The following TDRD9 variants were observed in gnomAD, a reference collection of about 807,000 sequenced individuals.
The protein encoded by TDRD9 is tudor domain containing 9.
TDRD9 carries 124 observed loss-of-function variants against 172.6 expected under a neutral mutation model. The observed-to-expected ratio is 0.72, with a 90% CI of 0.62 to 0.83. The LOEUF (loss-of-function observed/expected upper bound fraction) is 0.83. Ranked by LOEUF, TDRD9 falls within the 40% of genes least tolerant of loss-of-function variation. The pLI, the probability that TDRD9 is intolerant of heterozygous loss-of-function variation, is 0.00. For synonymous variants in TDRD9, 619 were observed against 617.1 expected (o/e 1.00, Z -0.05); for missense variants, 1,479 against 1,714.1 (o/e 0.86, Z 2.42).
rs186658731 is a variant in TDRD9, at chr14:103,996,837, A to G, written c.1378+1030A>G. Among the ~76,000 whole-genome samples the G allele has an allele frequency of 2.6e-5, 4 of 152,318 alleles. No individual in the cohort carries two copies. The South Asian group carries it at 6.2e-4, about 24-fold the overall frequency. ...GGGTAGGGAGTGTCAGGGAAGCACCATTGAGATTGCAGGTGGAGTGATCAG... is the reference window on the plus strand; with the variant it reads ...GGGTAGGGAGTGTCAGGGAAGCACCGTTGAGATTGCAGGTGGAGTGATCAG... On this transcript the variant is annotated intron_variant, in intron 12 of 35. Transcript: ENST00000409874.
intron 7 of TDRD9, among the ~76,000 whole-genome samples, chr14:103,978,848 T>C (rs2033359994): frequency 6.6e-6 from 1 of 152,232 alleles, no homozygotes; most frequent in South Asian, 2.1e-4. Context: ...ATGTGATACA[T>C]ACAATGCATG....
At chr14:103,993,359 G>A (rs1232411499) in intron 9 of TDRD9, among the ~76,000 whole-genome samples, 2 of 152,136 alleles carry the variant, frequency 1.3e-5, no homozygotes, top group African/African-American at 2.4e-5. Context: ...TTTACATTTA[G>A]GGTTACTGTC....
At chr14:103,983,056 C>CTTT (rs397853010) in intron 7 of TDRD9, among the ~76,000 whole-genome samples, 1,002 of 87,636 alleles carry the variant, frequency 0.011, 62 homozygotes, top group African/African-American at 0.041. Flanking sequence ...CTGTGGGTCA[C>CTTT]TTTTTTTTTT....
chr14:104,045,144 G>GAA (rs143411044), intron 34 of TDRD9, among the ~76,000 whole-genome samples: 2 of 140,554 alleles, frequency 1.4e-5, no homozygotes, highest in East Asian at 2.1e-4. Flanking sequence ...ACTCTATCAG[G>GAA]AAAAAAAAAA....
intron 1 of TDRD9, among the ~76,000 whole-genome samples, chr14:103,935,530 T>G (rs2030700837): frequency 6.6e-6 from 1 of 152,166 alleles, no homozygotes; most frequent in Non-Finnish European, 1.5e-5. Context: ...CACTTTAAAA[T>G]GCCTGTTAGA....
At chr14:103,990,903 A>G (rs1040746554) in intron 8 of TDRD9, among the ~76,000 whole-genome samples, 6 of 152,190 alleles carry the variant, frequency 3.9e-5, no homozygotes, top group Admixed American at 3.3e-4. Context: ...AATTTCAAGG[A>G]AAACTTCTGC....
At chr14:104,005,576 C>T (rs1160738663) in intron 15 of TDRD9, among the ~76,000 whole-genome samples, 171 bp downstream of exon 15, 2 of 151,374 alleles carry the variant, frequency 1.3e-5, no homozygotes, top group Admixed American at 1.3e-4. Flanking sequence ...TCCTGCCTCA[C>T]TTTCCCGCTA....
At chr14:104,028,550 G>T in intron 28 of TDRD9, among the ~76,000 whole-genome samples, 1 of 151,758 alleles carries the variant, frequency 6.6e-6, no homozygotes, top group South Asian at 2.1e-4. Flanking sequence ...TTGCTTTTTT[G>T]CTGTTTGAGT....
At position 104,006,826 on chromosome 14, in the gene TDRD9, C is replaced by A; in HGVS notation, c.1988C>A (p.Ala663Glu). 1 of 1,613,044 alleles carries A rather than the reference C, an allele frequency of 6.2e-7. No homozygotes were observed. Among genetic ancestry groups the A allele is most frequent in the Non-Finnish European group, 8.5e-7 (1 of 1,179,422 alleles). Residue 663 changes from alanine to glutamate, a missense_variant, in exon 18 of 36, where the codon GCA (alanine) becomes GAA (glutamate). By Grantham distance (107) the Ala-to-Glu change is moderately radical. Transcript: ENST00000409874. ...GGCAGTAGCAAGAGTGACTGTATTG[C>A]ACTTGTTGAGGCATTTAAAGTAAGT... ...FSGSSKSDCIALVEAFKTWKA... is the reference protein window; with the variant it reads ...FSGSSKSDCIELVEAFKTWKA...
chr14:103,930,102 C>T (rs2030276741), intron 1 of TDRD9, among the ~76,000 whole-genome samples: 1 of 152,208 alleles, frequency 6.6e-6, no homozygotes, highest in African/African-American at 2.4e-5. Flanking sequence ...GAAGTACTTC[C>T]AGCTTGGAGT....
chr14:103,952,247 T>A (rs1261936152), intron 1 of TDRD9, among the ~76,000 whole-genome samples: 3 of 57,720 alleles, frequency 5.2e-5, no homozygotes, highest in Admixed American at 2.1e-4. Flanking sequence ...TTTTTTTTTT[T>A]TTTTTTTTTT....
chr14:104,017,786 A>C (rs1224789083), intron 22 of TDRD9, among the ~76,000 whole-genome samples: 1 of 152,256 alleles, frequency 6.6e-6, no homozygotes, highest in African/African-American at 2.4e-5. Context: ...TTTGAAAAGA[A>C]GTATTTAGTA....
chr14:103,963,194 T>C lies in TDRD9; in HGVS notation c.420+18T>C, dbSNP rs373944665. The C allele has an allele frequency of 1.6e-5, 24 of 1,511,702 alleles. No individual in the cohort carries two copies. The highest frequency in any genetic ancestry group is 2.1e-5 in the Non-Finnish European group (23 of 1,119,974). 93.6% of individuals were successfully genotyped at this position (1,511,702 alleles called of 1,614,324 possible). On this transcript the variant is annotated intron_variant, in intron 3 of 35. Coordinates refer to ENST00000409874, the MANE Select transcript of TDRD9 (RefSeq NM_153046.3). ...AGGAAGAGGTAAAATTGTTTTGTTA[T>C]ACTGTAATTTTGCTGTTTGAATACA...
intron 3 of TDRD9, among the ~76,000 whole-genome samples, chr14:103,964,253 T>C (rs1033492479): frequency 6.6e-6 from 1 of 151,990 alleles, no homozygotes; most frequent in African/African-American, 2.4e-5. Flanking sequence ...TAAAAATAAA[T>C]AAACAGATAT....
chr14:103,944,555 T>G, intron 1 of TDRD9, among the ~76,000 whole-genome samples: 1 of 141,212 alleles, frequency 7.1e-6, no homozygotes, highest in South Asian at 2.5e-4. Context: ...CTGTTCTCTC[T>G]CCACCCCGCC....
At chr14:103,941,751 C>A in intron 1 of TDRD9, 2 of 1,297,826 alleles carry the variant, frequency 1.5e-6, no homozygotes, top group Non-Finnish European at 2.1e-6. Context: ...TTATGTTCTT[C>A]TGAGCAAATA....
At chr14:103,981,175 G>C (rs964976212) in intron 7 of TDRD9, among the ~76,000 whole-genome samples, 2 of 152,160 alleles carry the variant, frequency 1.3e-5, no homozygotes, top group Non-Finnish European at 2.9e-5. Flanking sequence ...CTAAAGTGCT[G>C]GGATTACAGG....
intron 7 of TDRD9, among the ~76,000 whole-genome samples, chr14:103,976,038 C>A (rs533630499): frequency 6.6e-6 from 1 of 152,130 alleles, no homozygotes; most frequent in South Asian, 2.1e-4. Flanking sequence ...CTTCCTATTT[C>A]CCCCCCTTCC....
At chr14:104,024,719 C>T (rs778100881) in intron 25 of TDRD9, 39 bp downstream of exon 25, 2 of 1,101,600 alleles carry the variant, frequency 1.8e-6, no homozygotes, top group South Asian at 1.3e-5. Context: ...TCTTCTTAAT[C>T]TAAAATCATC....
Sources: gnomAD v4.1 joint callset for allele counts (sites outside exome capture counted in the v4.1 genomes callset) on GRCh38, gnomAD v4.1.1 for gene constraint, MANE v1.5 for transcripts, NCBI Gene and HGNC (gene_info 2026-07-23, HGNC 2026-07-21) for gene names.